The following ERC1 variants were observed in gnomAD, a reference collection of about 807,000 sequenced individuals.
ERC1 encodes the protein RAB6 interacting protein 2.
In ERC1, 56 loss-of-function variants were observed where a neutral mutation model predicts 132.0. The ratio of observed to expected loss-of-function variants is 0.42; its 90% CI spans 0.34 to 0.53. The LOEUF (loss-of-function observed/expected upper bound fraction) is 0.53. Among genes scored for constraint, ERC1 ranks in the 20% least tolerant of loss-of-function variants. ERC1 has a pLI of 0.03. For missense variants in ERC1, 1,202 were observed against 1,349.9 expected, an observed-to-expected ratio of 0.89 and a Z score of 1.72; for synonymous variants, 478 against 476.1, an observed-to-expected ratio of 1.00 and a Z score of -0.05.
At chr12:1,359,289 C>T (rs1158658056) in intron 15 of ERC1, among the ~76,000 whole-genome samples, 1 of 152,072 alleles carries the variant, frequency 6.6e-6, no homozygotes, top group Non-Finnish European at 1.5e-5. Flanking sequence ...GAGGTAGAAT[C>T]CAGGAGTCAC....
intron 11 of ERC1, among the ~76,000 whole-genome samples, chr12:1,186,843 T>G (rs1955149046): frequency 6.6e-6 from 1 of 152,220 alleles, no homozygotes; most frequent in African/African-American, 2.4e-5. Context: ...CTTCATTTAT[T>G]TTTTTGTGAC....
At chr12:1,163,288 A>C (rs537675539) in intron 8 of ERC1, among the ~76,000 whole-genome samples, 3 of 152,236 alleles carry the variant, frequency 2.0e-5, no homozygotes, top group African/African-American at 7.2e-5. Context: ...TATAGTGTAA[A>C]TCTTTTAATT....
At chr12:1,011,126 C>T (rs2154138847) in intron 1 of ERC1, among the ~76,000 whole-genome samples, 1 of 152,308 alleles carries the variant, frequency 6.6e-6, no homozygotes, top group South Asian at 2.1e-4. Flanking sequence ...AGACTAGGTA[C>T]AAAAGGATGA....
chr12:1,092,030 G>T (rs1237712322), intron 3 of ERC1, among the ~76,000 whole-genome samples: 4 of 145,750 alleles, frequency 2.7e-5, no homozygotes, highest in South Asian at 2.1e-4. Flanking sequence ...ACGGAGTCTC[G>T]CTCTGTTGCC....
At chr12:1,136,650 C>T (rs1295808687) in intron 7 of ERC1, among the ~76,000 whole-genome samples, 1 of 152,170 alleles carries the variant, frequency 6.6e-6, no homozygotes, top group African/African-American at 2.4e-5. Flanking sequence ...ATTTAAGCCT[C>T]TTATTTTAGC....
intron 8 of ERC1, among the ~76,000 whole-genome samples, chr12:1,153,874 A>G (rs773693149): frequency 6.6e-6 from 1 of 151,880 alleles, no homozygotes; most frequent in Non-Finnish European, 1.5e-5. Context: ...GGGATACTCC[A>G]TTTCTTTTTT....
rs143560662 is a variant in ERC1 at position 1,376,470 on chromosome 12, G to A, written c.2925+4493G>A. Among the ~76,000 whole-genome samples, 730 of 152,302 alleles carry A rather than the reference G, an allele frequency of 4.8e-3. 7 individuals carry two copies. Among genetic ancestry groups the A allele is most frequent in the African/African-American group, 0.017 (711 of 41,566 alleles). Reference sequence around the variant, plus strand: ...CTTTTCAGAATTCTGTGAAAATAGAGCAGTGACAATAATGGCCACCACGTG... The same window carrying A: ...CTTTTCAGAATTCTGTGAAAATAGAACAGTGACAATAATGGCCACCACGTG... On this transcript the variant is annotated intron_variant, in intron 16 of 18. Coordinates refer to ENST00000360905, the MANE Select transcript of ERC1 (RefSeq NM_178040.4).
chr12:1,023,197 A>G (rs1328840368), intron 1 of ERC1, among the ~76,000 whole-genome samples: 1 of 152,214 alleles, frequency 6.6e-6, no homozygotes, highest in Non-Finnish European at 1.5e-5. Context: ...CAGGTAGGAT[A>G]GGATGGCATA....
intron 16 of ERC1, among the ~76,000 whole-genome samples, chr12:1,397,423 G>A (rs2090634309): frequency 6.6e-6 from 1 of 152,056 alleles, no homozygotes; most frequent in Non-Finnish European, 1.5e-5. Context: ...TGCCACAGTG[G>A]GATATTTGTT....
chr12:1,262,116 G>T (rs1470712900), intron 13 of ERC1, among the ~76,000 whole-genome samples: 1 of 152,136 alleles, frequency 6.6e-6, no homozygotes, highest in African/African-American at 2.4e-5. Context: ...ATTGGAGAAT[G>T]GTTTAGCAAA....
chr12:1,447,437 T>C (rs78844218), intron 18 of ERC1, among the ~76,000 whole-genome samples: 3 of 150,606 alleles, frequency 2.0e-5, no homozygotes, highest in African/African-American at 7.3e-5. Flanking sequence ...GATGGCTTGA[T>C]CCCGGGCAGT....
chr12:1,081,146 T>G (rs1372748659), intron 2 of ERC1, among the ~76,000 whole-genome samples: 1 of 152,162 alleles, frequency 6.6e-6, no homozygotes, highest in Non-Finnish European at 1.5e-5. Context: ...GAATGATCTT[T>G]TATTGTTGCT....
intron 12 of ERC1, among the ~76,000 whole-genome samples, chr12:1,219,516 C>T (rs143754965): frequency 1.2e-4 from 18 of 152,180 alleles, no homozygotes; most frequent in African/African-American, 4.1e-4. Flanking sequence ...TGATTCCATT[C>T]GATTCTCTCT....
intron 15 of ERC1, among the ~76,000 whole-genome samples, chr12:1,353,350 T>C (rs1478686005): frequency 6.6e-6 from 1 of 152,196 alleles, no homozygotes; most frequent in Non-Finnish European, 1.5e-5. Flanking sequence ...GCTTTAACGC[T>C]AAAGAGACAG....
At position 1,007,540 on chromosome 12, in the gene ERC1, C is replaced by CTCTCTCTCTCTGTGTGTGTGTG. The variant is rs1555194875; in HGVS notation, c.-157+16219_-157+16220insCTCTCTCTCTGTGTGTGTGTGT. On this transcript the variant is annotated intron_variant, in intron 1 of 18. Transcript: ENST00000360905. The stretch of plus-strand genomic sequence containing the variant: ...ATTCTCTCTCTCTCTCTCTCTCTCT[C>CTCTCTCTCTCTGTGTGTGTGTG]TGTGTGTGTGTGTGTGTGTGTGTGT... Among the ~76,000 whole-genome samples the CTCTCTCTCTCTGTGTGTGTGTG allele has an allele frequency of 6.3e-4, 77 of 122,774 alleles. 1 individual carries two copies. Among genetic ancestry groups the CTCTCTCTCTCTGTGTGTGTGTG allele is most frequent in the South Asian group, 2.9e-3 (11 of 3,796 alleles). The allele number at this position is 122,774 out of a possible 152,430, so 80.5% of individuals were successfully genotyped here.
Position 1,181,929 on chromosome 12 carries a change from G to A in ERC1, c.1880G>A (p.Arg627Gln), listed in dbSNP as rs377706150. 1.3e-4 allele frequency: 203 copies of A among 1,612,520 alleles called. No homozygotes were observed. Among genetic ancestry groups the A allele is most frequent in the Admixed American group, 2.3e-4 (14 of 59,890 alleles). The change falls in exon 10 of 19, where the codon CGG (arginine) becomes CAG (glutamine). Residue 627 changes from arginine (R) to glutamine (Q), a missense_variant. Transcript: ENST00000360905. ...GTTGATATATTCTCTCATCAGGAGC[G>A]GACAATTGAACGCTTAAAGGAGCAG... ...TLEEALAEKE[R>Q]TIERLKEQRD... is the part of the protein sequence containing the mutation.
At chr12:1,158,760 A>G (rs1292822354) in intron 8 of ERC1, among the ~76,000 whole-genome samples, 2 of 151,868 alleles carry the variant, frequency 1.3e-5, no homozygotes, top group Admixed American at 6.6e-5. Context: ...GCTGTTCCCA[A>G]GTTTTAAACT....
chr12:1,156,624 G>C (rs1011458068), intron 8 of ERC1, among the ~76,000 whole-genome samples: 1 of 152,166 alleles, frequency 6.6e-6, no homozygotes, highest in African/African-American at 2.4e-5. Flanking sequence ...GTCGATAGCT[G>C]TTTAATTATC....
At chr12:1,485,407 A>G (rs534066222) in intron 18 of ERC1, among the ~76,000 whole-genome samples, 15 of 148,954 alleles carry the variant, frequency 1.0e-4, no homozygotes, top group Admixed American at 4.7e-4. Flanking sequence ...GTTTCACCAC[A>G]TTGGCCAGGC....
Sources: gnomAD v4.1 joint callset for allele counts (sites outside exome capture counted in the v4.1 genomes callset) on GRCh38, gnomAD v4.1.1 for gene constraint, MANE v1.5 for transcripts, NCBI Gene and HGNC (gene_info 2026-07-23, HGNC 2026-07-21) for gene names.